PTPN4: variants seen among roughly 807,000 people sequenced by gnomAD.
PTPN4 encodes the protein tyrosine-protein phosphatase non-receptor type 4.
Under a neutral mutation model 135.5 loss-of-function variants are expected in PTPN4, and 49 were observed. The observed-to-expected ratio is 0.36, with a 90% CI of 0.29 to 0.46. The LOEUF is 0.46. PTPN4 is among the 20% of genes least tolerant of loss of function. The pLI, the probability that PTPN4 is intolerant of heterozygous loss-of-function variation, is 1.00. For missense variants in PTPN4, 860 were observed against 1,101.0 expected (o/e 0.78, Z 3.10); for synonymous variants, 333 against 369.9 (o/e 0.90, Z 1.14).
chr2:119,792,723 T>A (rs1000737981), intron 1 of PTPN4, among the ~76,000 whole-genome samples: 2 of 152,176 alleles, frequency 1.3e-5, no homozygotes, highest in African/African-American at 4.8e-5. Flanking sequence ...TTTTCTATTT[T>A]CCCTAAGTGT....
At chr2:119,813,131 A>G (rs994274292) in intron 2 of PTPN4, among the ~76,000 whole-genome samples, 3 of 152,214 alleles carry the variant, frequency 2.0e-5, no homozygotes, top group African/African-American at 7.2e-5. Context: ...GGCTAGAATC[A>G]TTCGAAGGCT....
At chr2:119,769,376 G>T (rs1297123248) in intron 1 of PTPN4, among the ~76,000 whole-genome samples, 1 of 152,218 alleles carries the variant, frequency 6.6e-6, no homozygotes, top group African/African-American at 2.4e-5. Flanking sequence ...GAATTATGGA[G>T]ATACTAATGA....
Position 119,951,959 on chromosome 2 carries a change from AT to A in PTPN4, c.1657-13del, listed in dbSNP as rs776250695. On this transcript the variant is annotated splice_polypyrimidine_tract_variant and intron_variant, in intron 18 of 26. Coordinates refer to ENST00000263708, the MANE Select transcript of PTPN4 (RefSeq NM_002830.4). ...TGCATGCCAATCTGAAACCTTATCT[AT>A]ATTATATTACAGGCTGACCTCTGTG... 3.6e-5 allele frequency: 57 copies of A among 1,589,510 alleles called. No homozygotes were observed. The highest frequency in any genetic ancestry group is 2.1e-4 in the Admixed American group (12 of 56,150).
intron 1 of PTPN4, among the ~76,000 whole-genome samples, chr2:119,770,540 A>G (rs1190613826): frequency 6.6e-6 from 1 of 152,272 alleles, no homozygotes; most frequent in East Asian, 1.9e-4. Flanking sequence ...AAACACATAT[A>G]AAGATTACTG....
At chr2:119,914,230 A>G (rs551995816) in intron 10 of PTPN4, among the ~76,000 whole-genome samples, 1 of 141,906 alleles carries the variant, frequency 7.0e-6, no homozygotes, top group African/African-American at 2.8e-5. Flanking sequence ...TTCCATAAAT[A>G]CAGTCAATAG....
intron 7 of PTPN4, 68 bp from the exon 8 acceptor site, chr2:119,882,435 C>T (rs191941076): frequency 1.6e-5 from 21 of 1,354,088 alleles, no homozygotes; most frequent in African/African-American, 1.2e-4. Context: ...TTAATGGCAT[C>T]GCTGATTTGA....
intron 2 of PTPN4, among the ~76,000 whole-genome samples, chr2:119,822,364 C>CCCCCT (rs763569144): frequency 1.7e-5 from 2 of 117,804 alleles, no homozygotes; most frequent in African/African-American, 6.1e-5. Flanking sequence ...CTCCCCCCCC[C>CCCCCT]TTTTTTTTTT....
chr2:119,763,169 A>C (rs1446777762), intron 1 of PTPN4, among the ~76,000 whole-genome samples: 1 of 152,164 alleles, frequency 6.6e-6, no homozygotes, highest in African/African-American at 2.4e-5. Context: ...AGACTCTTTC[A>C]TTTCATTAGA....
chr2:119,922,321 T>C (rs893190363), intron 12 of PTPN4, among the ~76,000 whole-genome samples: 3 of 151,826 alleles, frequency 2.0e-5, no homozygotes, highest in Admixed American at 6.6e-5. Flanking sequence ...TATTGACAAA[T>C]TTTACATGTT....
chr2:119,902,475 T>C (rs1234944760), intron 10 of PTPN4, among the ~76,000 whole-genome samples: 1 of 152,154 alleles, frequency 6.6e-6, no homozygotes, highest in African/African-American at 2.4e-5. Flanking sequence ...GGAATCTGGA[T>C]CTACAGAAAG....
rs78669347 is a variant in PTPN4, at chr2:119,846,208, G to A, written c.139-16328G>A. ...CTGTCTGACCTGTCAGTCAGGTCTC[G>A]TTAGTTTATGGCATTGTTCCAAGTC... is the stretch of plus-strand genomic sequence containing the variant. On this transcript the variant is annotated intron_variant, in intron 2 of 26. Coordinates refer to ENST00000263708, the MANE Select transcript of PTPN4 (RefSeq NM_002830.4). Among the ~76,000 whole-genome samples the A allele has an allele frequency of 8.6e-3, 1,315 of 152,266 alleles. 9 individuals carry two copies. Among genetic ancestry groups the A allele is most frequent in the South Asian group, 0.017 (82 of 4,826 alleles).
intron 25 of PTPN4, 68 bp downstream of exon 25, chr2:119,965,713 T>G: frequency 2.6e-6 from 4 of 1,509,954 alleles, no homozygotes; most frequent in African/African-American, 1.4e-5. Context: ...AGAGAGTACA[T>G]ATTTTGTCCT....
chr2:119,799,234 A>T lies in PTPN4; in HGVS notation c.-17-10603A>T, dbSNP rs577373162. 2.6e-5 allele frequency among the ~76,000 whole-genome samples: 4 copies of T among 152,342 alleles called. No individual in the cohort carries two copies. In the South Asian group the frequency reaches 6.2e-4, roughly 24 times the overall value. On this transcript the variant is annotated intron_variant, in intron 1 of 26. Coordinates refer to ENST00000263708, the MANE Select transcript of PTPN4 (RefSeq NM_002830.4). Reference sequence around the variant, plus strand: ...ACTGATACTAATTTTTGTCACAGCTATTTTTAACCTCCATAAGTGAAATGC... The same window carrying T: ...ACTGATACTAATTTTTGTCACAGCTTTTTTTAACCTCCATAAGTGAAATGC...
At chr2:119,861,599 A>G (rs1446825221) in intron 2 of PTPN4, among the ~76,000 whole-genome samples, 1 of 152,192 alleles carries the variant, frequency 6.6e-6, no homozygotes. Flanking sequence ...TCTTTCTACC[A>G]TGTTAGCAGC....
rs887241360 is a variant in PTPN4 at position 119,791,660 on chromosome 2, G to A, written c.-17-18177G>A. 4.6e-5 allele frequency among the ~76,000 whole-genome samples: 7 copies of A among 152,240 alleles called. 1 individual carries two copies. In the South Asian group the frequency reaches 8.3e-4, roughly 18 times the overall value. Reference sequence around the variant, plus strand: ...TCTGGACTAGATATTGCCTTGTACTGTAATTGAGGATCATTTGTAAGTGAT... The same window carrying A: ...TCTGGACTAGATATTGCCTTGTACTATAATTGAGGATCATTTGTAAGTGAT... On this transcript the variant is annotated intron_variant, in intron 1 of 26. Transcript: ENST00000263708.
At chr2:119,799,925 G>A (rs531674805) in intron 1 of PTPN4, among the ~76,000 whole-genome samples, 4 of 151,938 alleles carry the variant, frequency 2.6e-5, no homozygotes, top group Non-Finnish European at 2.9e-5. Flanking sequence ...ATAAAAATGC[G>A]TTCTTTGACC....
chr2:119,928,722 C>T (rs1678860093), intron 13 of PTPN4, among the ~76,000 whole-genome samples: 1 of 152,086 alleles, frequency 6.6e-6, no homozygotes, highest in South Asian at 2.1e-4. Context: ...AGTGTTGTAA[C>T]AGCGTAGCAA....
chr2:119,923,671 TA>T (rs890444293), intron 12 of PTPN4, among the ~76,000 whole-genome samples: 2 of 151,946 alleles, frequency 1.3e-5, no homozygotes, highest in African/African-American at 2.4e-5. Context: ...TTATCAGGTA[TA>T]AAAAAATAAC....
chr2:119,777,187 C>G (rs1218047093), intron 1 of PTPN4, among the ~76,000 whole-genome samples: 1 of 152,170 alleles, frequency 6.6e-6, no homozygotes, highest in Non-Finnish European at 1.5e-5. Context: ...GTTCCTACTT[C>G]AGGTCTTCAT....
Sources: allele counts gnomAD v4.1 joint callset (sites outside exome capture counted in the v4.1 genomes callset), GRCh38; gene constraint gnomAD v4.1.1; transcripts MANE v1.5; gene names NCBI Gene and HGNC (gene_info 2026-07-23, HGNC 2026-07-21).